Variants in UBE2F observed in about 807,000 individuals in gnomAD.
The protein encoded by UBE2F is NEDD8-conjugating enzyme UBE2F.
UBE2F carries 5 observed loss-of-function variants against 29.6 expected under a neutral mutation model. The ratio of observed to expected loss-of-function variants is 0.17; its 90% CI spans 0.09 to 0.36. UBE2F has a LOEUF of 0.36. Ranked by LOEUF, UBE2F falls within the 10% of genes least tolerant of loss-of-function variation. The pLI, the probability that UBE2F is intolerant of heterozygous loss-of-function variation, is 1.00. For missense variants in UBE2F, 141 were observed against 228.5 expected (o/e 0.62, Z 2.47); for synonymous variants, 66 against 81.8 (o/e 0.81, Z 1.04).
intron 6 of UBE2F, among the ~76,000 whole-genome samples, chr2:238,029,544 C>T (rs1205422498): frequency 6.7e-6 from 1 of 150,280 alleles, no homozygotes; most frequent in African/African-American, 2.5e-5. Flanking sequence ...TACAGTGAGC[C>T]GAGATCGTGC....
intron 4 of UBE2F, among the ~76,000 whole-genome samples, chr2:237,999,625 T>C (rs1198116498): frequency 1.3e-5 from 2 of 152,200 alleles, no homozygotes; most frequent in African/African-American, 4.8e-5. Flanking sequence ...GAAAAGACTT[T>C]CCTTTCTTCA....
chr2:237,976,961 C>T (rs1332507291), intron 2 of UBE2F, among the ~76,000 whole-genome samples: 2 of 152,020 alleles, frequency 1.3e-5, no homozygotes, highest in Non-Finnish European at 2.9e-5. Flanking sequence ...GGGGCAGATG[C>T]GACAAGCAGA....
intron 1 of UBE2F, 139 bp from the exon 2 acceptor site, chr2:237,972,953 T>G: frequency 1.2e-6 from 1 of 842,214 alleles, no homozygotes; most frequent in Non-Finnish European, 1.8e-6. Flanking sequence ...GAATCCAATC[T>G]TATTAATGTG....
chr2:237,984,904 T>TG (rs1360951306), intron 2 of UBE2F, among the ~76,000 whole-genome samples: 1 of 151,558 alleles, frequency 6.6e-6, no homozygotes, highest in East Asian at 1.9e-4. Flanking sequence ...CTCAGACTCC[T>TG]GAGTAATTGG....
intron 4 of UBE2F, among the ~76,000 whole-genome samples, chr2:238,001,646 T>A (rs745615086): frequency 2.1e-4 from 32 of 151,834 alleles, no homozygotes; most frequent in Non-Finnish European, 4.3e-4. Context: ...TGAAACCCCG[T>A]CTCTCCTAAA....
chr2:238,006,851 G>T (rs1235079033), intron 4 of UBE2F, among the ~76,000 whole-genome samples: 1 of 149,784 alleles, frequency 6.7e-6, no homozygotes, highest in East Asian at 2.0e-4. Context: ...CACCTCCCAG[G>T]TTCAAGCAAT....
In UBE2F at chr2:237,967,261, G is replaced by A; in HGVS notation, c.-17+129G>A. ...TCGGGCCCGCCGGGTTCCTCACGCCGGGGGCCTGGCGGGCGCGGGCACCCG... is the reference window on the plus strand; with the variant it reads ...TCGGGCCCGCCGGGTTCCTCACGCCAGGGGCCTGGCGGGCGCGGGCACCCG... On this transcript the variant is annotated intron_variant, in intron 1 of 9. Coordinates refer to ENST00000272930, the MANE Select transcript of UBE2F (RefSeq NM_080678.3). This position sits in a 1 kb window ranked among gnomAD's most constrained non-coding sequence, Gnocchi z 6.3. 3.6e-6 allele frequency: 2 copies of A among 554,014 alleles called. No individual in the cohort carries two copies. The highest frequency in any genetic ancestry group is 2.3e-6 in the Non-Finnish European group (1 of 438,128). The allele number at this position is 554,014 out of a possible 1,614,324, so 34.3% of individuals were successfully genotyped here.
intron 1 of UBE2F, among the ~76,000 whole-genome samples, chr2:237,969,703 A>C (rs1254487237): frequency 2.0e-5 from 3 of 152,314 alleles, no homozygotes; most frequent in Admixed American, 2.0e-4. Flanking sequence ...ACACTGTTCC[A>C]TGACAAGGAA....
chr2:237,981,993 G>A (rs2106334971), intron 2 of UBE2F, among the ~76,000 whole-genome samples: 1 of 152,224 alleles, frequency 6.6e-6, no homozygotes, highest in East Asian at 1.9e-4. Flanking sequence ...TAGGGCTGGG[G>A]CATTAGGAGT....
intron 5 of UBE2F, among the ~76,000 whole-genome samples, chr2:238,019,164 A>G (rs2064234538): frequency 6.6e-6 from 1 of 151,996 alleles, no homozygotes; most frequent in Non-Finnish European, 1.5e-5. Flanking sequence ...TTTGACCTTT[A>G]GCTCTGTAAC....
intron 4 of UBE2F, among the ~76,000 whole-genome samples, chr2:238,003,963 G>A (rs2063850327): frequency 6.6e-6 from 1 of 152,100 alleles, no homozygotes; most frequent in South Asian, 2.1e-4. Flanking sequence ...TTCTTTCCCT[G>A]TAGTTTTCCC....
chr2:238,018,041 A>G (rs1390440243), intron 5 of UBE2F, among the ~76,000 whole-genome samples: 1 of 152,196 alleles, frequency 6.6e-6, no homozygotes, highest in Non-Finnish European at 1.5e-5. Flanking sequence ...GCAGCCCAAG[A>G]AATTTTTAAA....
chr2:238,033,092 C>CT (rs1279137753), intron 8 of UBE2F, among the ~76,000 whole-genome samples: 2 of 152,216 alleles, frequency 1.3e-5, no homozygotes, highest in Admixed American at 6.5e-5. Context: ...GGGAGTGGCC[C>CT]TGTCACCTCC....
At chr2:238,030,359 G>A (rs6431578) in intron 6 of UBE2F, among the ~76,000 whole-genome samples, 197 bp from the exon 7 acceptor site, 123,653 of 152,186 alleles carry the variant, frequency 0.81, 50,524 homozygotes, top group East Asian at 0.97. Flanking sequence ...AACACAAGAC[G>A]TTATAATTGA....
intron 4 of UBE2F, among the ~76,000 whole-genome samples, chr2:237,999,878 G>A (rs1443443176): frequency 6.8e-6 from 1 of 147,784 alleles, no homozygotes; most frequent in East Asian, 2.0e-4. Flanking sequence ...AGGCTGGAGT[G>A]CAGTGGCGCG....
intron 3 of UBE2F, among the ~76,000 whole-genome samples, chr2:237,990,739 C>T (rs369436619): frequency 2.0e-5 from 3 of 150,558 alleles, no homozygotes; most frequent in Admixed American, 6.6e-5. Flanking sequence ...CCAACCTGGG[C>T]GACAGAGTGA....
At chr2:238,028,323 A>G (rs1209996999) in intron 6 of UBE2F, among the ~76,000 whole-genome samples, 1 of 152,248 alleles carries the variant, frequency 6.6e-6, no homozygotes, top group Non-Finnish European at 1.5e-5. Flanking sequence ...CATTCAGCTA[A>G]TGTTGATTGA....
At chr2:237,991,022 A>C (rs1411550910) in intron 3 of UBE2F, among the ~76,000 whole-genome samples, 1 of 152,128 alleles carries the variant, frequency 6.6e-6, no homozygotes, top group Non-Finnish European at 1.5e-5. Flanking sequence ...TAACCCATAG[A>C]GTGTACTTTA....
intron 4 of UBE2F, among the ~76,000 whole-genome samples, chr2:237,995,318 G>A (rs538044300): frequency 6.6e-6 from 1 of 152,322 alleles, no homozygotes; most frequent in African/African-American, 2.4e-5. Flanking sequence ...TCAGTAAGAC[G>A]GATAAGTGTC....
Sources: gnomAD v4.1 joint callset for allele counts (sites outside exome capture counted in the v4.1 genomes callset) on GRCh38, gnomAD v4.1.1 for gene constraint, Gnocchi (gnomAD v3.1) non-coding constraint, MANE v1.5 for transcripts, NCBI Gene and HGNC (gene_info 2026-07-23, HGNC 2026-07-21) for gene names.